Variants in TLK1 observed in about 807,000 individuals in gnomAD.
TLK1 encodes the protein serine/threonine-protein kinase tousled-like 1.
Under a neutral mutation model 105.3 loss-of-function variants are expected in TLK1, and 24 were observed. The ratio of observed to expected loss-of-function variants is 0.23; its 90% CI spans 0.17 to 0.32. The LOEUF is 0.32. Ranked by LOEUF, TLK1 falls within the 10% of genes least tolerant of loss-of-function variation. The pLI is 1.00. For missense variants in TLK1, 558 were observed against 910.5 expected (o/e 0.61, Z 4.98); for synonymous variants, 321 against 310.4 (o/e 1.03, Z -0.36).
At chr2:171,219,604 CTTT>C (rs113945899) in intron 1 of TLK1, among the ~76,000 whole-genome samples, 6 of 142,568 alleles carry the variant, frequency 4.2e-5, no homozygotes, top group African/African-American at 5.1e-5. Context: ...CTCCCCCCAC[CTTT>C]TTTTTTTTTT....
At chr2:171,122,684 T>C (rs907531643) in intron 1 of TLK1, among the ~76,000 whole-genome samples, 1 of 151,144 alleles carries the variant, frequency 6.6e-6, no homozygotes, top group Non-Finnish European at 1.5e-5. Context: ...CCAGGCTGGA[T>C]ACAGAAACAA....
rs963910057 is a variant in TLK1, at chr2:171,052,879, C to T, written c.732+882G>A. Among the ~76,000 whole-genome samples the T allele has an allele frequency of 3.3e-5, 5 of 152,152 alleles. No homozygotes were observed. The East Asian group carries it at 9.6e-4, about 29-fold the overall frequency. On this transcript the variant is annotated intron_variant, in intron 8 of 20. Coordinates refer to ENST00000431350, the MANE Select transcript of TLK1 (RefSeq NM_012290.5). ...GTTTCTACACCAGTAGTTCTCAATGCTGTCTTAAATTAAAGTTATCTGGGA... is the reference window on the plus strand; with the variant it reads ...GTTTCTACACCAGTAGTTCTCAATGTTGTCTTAAATTAAAGTTATCTGGGA...
intron 14 of TLK1, among the ~76,000 whole-genome samples, chr2:171,010,298 G>A (rs182414096): frequency 9.2e-4 from 140 of 152,240 alleles, no homozygotes; most frequent in Non-Finnish European, 1.6e-3. Flanking sequence ...CCAGGCAGAT[G>A]AATGGCAATG....
intron 18 of TLK1, among the ~76,000 whole-genome samples, chr2:170,999,280 C>T (rs1243003942): frequency 1.3e-5 from 2 of 152,100 alleles, no homozygotes; most frequent in Admixed American, 1.3e-4. Context: ...AAGATTTCAG[C>T]AAGATGTTGA....
intron 1 of TLK1, among the ~76,000 whole-genome samples, chr2:171,204,087 A>G (rs1214307421): frequency 6.6e-6 from 1 of 152,140 alleles, no homozygotes; most frequent in African/African-American, 2.4e-5. Context: ...AAAATTATGG[A>G]TAAGTGAAAT....
intron 1 of TLK1, among the ~76,000 whole-genome samples, chr2:171,202,887 T>C (rs1693430752): frequency 6.6e-6 from 1 of 152,236 alleles, no homozygotes; most frequent in African/African-American, 2.4e-5. Context: ...AAAATATTGA[T>C]CTAATTTCCA....
chr2:171,035,494 A>G (rs1686283901), intron 11 of TLK1, among the ~76,000 whole-genome samples: 9 of 152,180 alleles, frequency 5.9e-5, no homozygotes, highest in Admixed American at 5.2e-4. Context: ...TTTCTTTTGT[A>G]ACTTGCCCAG....
In TLK1 at chr2:171,053,872, T is replaced by C. The variant is rs373995437; in HGVS notation, c.640-19A>G. ...GATCAGTCTAAATGAAAAAAAGTTA[T>C]TTTATTATCTCCATTATATATGTTG... On this transcript the variant is annotated intron_variant, in intron 7 of 20. Coordinates refer to ENST00000431350, the MANE Select transcript of TLK1 (RefSeq NM_012290.5). The C allele has an allele frequency of 4.3e-5, 66 of 1,529,488 alleles. No individual in the cohort carries two copies. In the African/African-American group the frequency reaches 7.4e-4, roughly 17 times the overall value. The allele number at this position is 1,529,488 out of a possible 1,614,324, so 94.7% of individuals were successfully genotyped here.
At chr2:171,024,834 A>C (rs1003603465) in intron 12 of TLK1, among the ~76,000 whole-genome samples, 8 of 152,314 alleles carry the variant, frequency 5.3e-5, no homozygotes, top group Admixed American at 3.9e-4. Flanking sequence ...TGGGAATTTG[A>C]ATTATGCCTG....
chr2:171,014,475 T>C (rs1685078300), intron 13 of TLK1, among the ~76,000 whole-genome samples: 1 of 152,024 alleles, frequency 6.6e-6, no homozygotes, highest in Admixed American at 6.6e-5. Context: ...GCTGGAACTA[T>C]AGGTGAGCAC....
chr2:171,219,659 G>A (rs984606621), intron 1 of TLK1, among the ~76,000 whole-genome samples: 1 of 151,108 alleles, frequency 6.6e-6, no homozygotes, highest in Admixed American at 6.6e-5. Context: ...GGAGTGCAGT[G>A]GTGCCATCTT....
chr2:171,053,878 T>C, intron 7 of TLK1, 25 bp from the exon 8 acceptor site: 1 of 1,503,784 alleles, frequency 6.6e-7, no homozygotes, highest in Non-Finnish European at 9.1e-7. Flanking sequence ...GTTATTTTAT[T>C]ATCTCCATTA....
chr2:171,144,651 T>C (rs759380653), intron 1 of TLK1, among the ~76,000 whole-genome samples: 2 of 152,082 alleles, frequency 1.3e-5, no homozygotes, highest in East Asian at 1.9e-4. Context: ...TCAAAACTTA[T>C]GGAATGAACT....
chr2:171,005,034 G>A (rs1448014051), intron 18 of TLK1, among the ~76,000 whole-genome samples: 1 of 152,218 alleles, frequency 6.6e-6, no homozygotes, highest in Admixed American at 6.5e-5. Context: ...TGTGTAAGTG[G>A]TTATGATGTG....
chr2:171,212,794 T>C (rs954270924), intron 1 of TLK1, among the ~76,000 whole-genome samples: 1 of 152,198 alleles, frequency 6.6e-6, no homozygotes, highest in African/African-American at 2.4e-5. Flanking sequence ...CAGGGGTCTT[T>C]AGCAAGATAT....
intron 1 of TLK1, among the ~76,000 whole-genome samples, chr2:171,213,374 T>C (rs1184541126): frequency 6.6e-6 from 1 of 151,698 alleles, no homozygotes; most frequent in Non-Finnish European, 1.5e-5. Context: ...AGCTAATTTA[T>C]GTATTTTTTG....
rs543851746 is a variant in TLK1 at position 170,998,064 on chromosome 2, A to C, written c.1905-241T>G. Among the ~76,000 whole-genome samples the C allele has an allele frequency of 4.0e-4, 27 of 67,538 alleles. No homozygotes were observed. The South Asian group carries it at 0.021, about 53-fold the overall frequency. 44.3% of individuals were successfully genotyped at this position (67,538 alleles called of 152,430 possible). On this transcript the variant is annotated intron_variant, in intron 18 of 20. Coordinates refer to ENST00000431350, the MANE Select transcript of TLK1 (RefSeq NM_012290.5). ...TCTATCTTTATCTATCTATCTATCT[A>C]TCTATCTATCTATCTATCTATCTAT...
chr2:171,207,416 A>C lies in TLK1; in HGVS notation c.-6+23729T>G, dbSNP rs150762914. ...AGGGATGATTAAGCAGATCACAGAG[A>C]ATTTTTAGGGCAGTATAACAGTGGA... On this transcript the variant is annotated intron_variant, in intron 1 of 20. Transcript: ENST00000521943. 1.7e-4 allele frequency among the ~76,000 whole-genome samples: 26 copies of C among 152,316 alleles called. No individual in the cohort carries two copies. The East Asian group carries it at 4.8e-3, about 28-fold the overall frequency.
chr2:171,077,199 A>G (rs10186343), intron 3 of TLK1, among the ~76,000 whole-genome samples: 60,086 of 152,060 alleles, frequency 0.4, 13,386 homozygotes, highest in African/African-American at 0.59. Flanking sequence ...TAAGAGAAAA[A>G]GTTATCAGAT....
Sources: allele counts gnomAD v4.1 joint callset (sites outside exome capture counted in the v4.1 genomes callset), GRCh38; gene constraint gnomAD v4.1.1; transcripts MANE v1.5; gene names NCBI Gene and HGNC (gene_info 2026-07-23, HGNC 2026-07-21).